BCR: variants seen among roughly 807,000 people sequenced by gnomAD.
BCR encodes the protein breakpoint cluster region protein.
In BCR, 58 loss-of-function variants were observed where a neutral mutation model predicts 138.6. That is an observed-to-expected ratio of 0.42 (90% CI 0.34 to 0.52). The LOEUF is 0.52. Among genes scored for constraint, BCR ranks in the 20% least tolerant of loss-of-function variants. The pLI is 0.06. For synonymous variants in BCR, 786 were observed against 730.1 expected, an observed-to-expected ratio of 1.08 and a Z score of -1.23; for missense variants, 1,599 against 1,727.2, an observed-to-expected ratio of 0.93 and a Z score of 1.32.
At chr22:23,284,174 C>T (rs990274818) in intron 9 of BCR, 76 bp downstream of exon 9, 31 of 1,575,364 alleles carry the variant, frequency 2.0e-5, no homozygotes, top group East Asian at 1.8e-4. Context: ...CTTGTCATGG[C>T]GGAGGTCAGT....
intron 4 of BCR, among the ~76,000 whole-genome samples, chr22:23,267,036 T>G (rs1473768244): frequency 1.3e-5 from 2 of 152,108 alleles, no homozygotes; most frequent in African/African-American, 4.8e-5. Flanking sequence ...CCTGTCCTGC[T>G]TATAACCATC....
chr22:23,228,325 C>T (rs764954288), intron 1 of BCR, among the ~76,000 whole-genome samples: 1 of 152,078 alleles, frequency 6.6e-6, no homozygotes, highest in Non-Finnish European at 1.5e-5. Flanking sequence ...TAATTTTCCT[C>T]GAGACTTCCT....
Position 23,309,070 on chromosome 22 carries a change from G to A in BCR, c.3013-354G>A, listed in dbSNP as rs544925879. On this transcript the variant is annotated intron_variant, in intron 16 of 22. Transcript: ENST00000305877. ...CAGGCCCCCAGGAGTTGTTACTGAA[G>A]TTGCTGCTGGACAGCTCACCTTTCA... Among the ~76,000 whole-genome samples the A allele has an allele frequency of 1.1e-4, 17 of 152,330 alleles. No homozygotes were observed. The East Asian group carries it at 3.1e-3, about 28-fold the overall frequency.
Position 23,313,045 on chromosome 22 carries a change from C to G in BCR, c.3457+24C>G, listed in dbSNP as rs761149504. On this transcript the variant is annotated intron_variant, in intron 20 of 22. Transcript: ENST00000305877. The stretch of plus-strand genomic sequence containing the variant: ...CGGTGAGCACTGGAGGCCTTGGCCT[C>G]ATGGGAGACGTCTCCTCCACGTGCA... 32 of 1,548,250 alleles carry G rather than the reference C, an allele frequency of 2.1e-5. No homozygotes were observed. The South Asian group carries it at 3.6e-4, about 17-fold the overall frequency.
At chr22:23,298,406 G>C (rs1449134674) in intron 16 of BCR, among the ~76,000 whole-genome samples, 2 of 152,146 alleles carry the variant, frequency 1.3e-5, no homozygotes, top group African/African-American at 4.8e-5. Flanking sequence ...GGAATAAAAA[G>C]CTGGAGGGAC....
chr22:23,292,328 C>T (rs1048264263), intron 14 of BCR, among the ~76,000 whole-genome samples: 1 of 152,254 alleles, frequency 6.6e-6, no homozygotes, highest in Non-Finnish European at 1.5e-5. Context: ...CAGCCGCACC[C>T]AGGGAAATTC....
chr22:23,307,111 A>G (rs191009543), intron 16 of BCR, among the ~76,000 whole-genome samples: 8 of 152,196 alleles, frequency 5.3e-5, no homozygotes, highest in African/African-American at 1.4e-4. Flanking sequence ...GTTGGTTAGT[A>G]GAGCCAGGGT....
At chr22:23,269,838 G>T (rs1446800932) in intron 5 of BCR, among the ~76,000 whole-genome samples, 1 of 152,148 alleles carries the variant, frequency 6.6e-6, no homozygotes, top group Non-Finnish European at 1.5e-5. Flanking sequence ...ACAGTTAAGC[G>T]GGCAAGTTCA....
chr22:23,278,832 G>A (rs985046298), intron 8 of BCR, among the ~76,000 whole-genome samples: 10 of 152,232 alleles, frequency 6.6e-5, no homozygotes, highest in Admixed American at 5.9e-4. Flanking sequence ...CAGGGGTGAA[G>A]ACAGGATGGG....
intron 6 of BCR, among the ~76,000 whole-genome samples, chr22:23,271,913 C>G (rs561659020): frequency 4.6e-5 from 7 of 151,876 alleles, no homozygotes; most frequent in Non-Finnish European, 7.4e-5. Flanking sequence ...GCAACCTCCA[C>G]TTCCCGGGTT....
intron 14 of BCR, chr22:23,290,929 C>G (rs935797653): frequency 6.2e-6 from 1 of 160,818 alleles, no homozygotes; most frequent in Non-Finnish European, 1.4e-5. Flanking sequence ...TTCTCGAGGC[C>G]GGGCGCAGTG....
At chr22:23,282,558 C>T (rs901641536) in intron 8 of BCR, among the ~76,000 whole-genome samples, 1 of 152,262 alleles carries the variant, frequency 6.6e-6, no homozygotes, top group Non-Finnish European at 1.5e-5. Context: ...TCTGTTGCCT[C>T]CGGCCCCAGA....
intron 5 of BCR, among the ~76,000 whole-genome samples, chr22:23,270,914 C>T (rs142017978): frequency 6.6e-6 from 1 of 152,364 alleles, no homozygotes; most frequent in African/African-American, 2.4e-5. Flanking sequence ...TTAGTAAGTA[C>T]ACTTGCAGAT....
chr22:23,262,549 GC>G (rs529302499), intron 4 of BCR, among the ~76,000 whole-genome samples: 193 of 152,272 alleles, frequency 1.3e-3, no homozygotes, highest in African/African-American at 3.6e-3. Flanking sequence ...CATCTTTGAA[GC>G]CCCCCCACCC....
At chr22:23,314,796 T>A in intron 22 of BCR, 82 bp downstream of exon 22, 2 of 1,519,406 alleles carry the variant, frequency 1.3e-6, no homozygotes, top group Non-Finnish European at 1.8e-6. Context: ...GTCCTGCCCA[T>A]CTTCTTACTT....
chr22:23,282,902 A>G (rs1332067829), intron 8 of BCR, among the ~76,000 whole-genome samples: 1 of 152,206 alleles, frequency 6.6e-6, no homozygotes, highest in Non-Finnish European at 1.5e-5. Context: ...TCCTGAGGGT[A>G]GAGGCCTGTG....
intron 2 of BCR, among the ~76,000 whole-genome samples, chr22:23,256,157 A>G (rs981652020): frequency 6.6e-6 from 1 of 152,148 alleles, no homozygotes; most frequent in Non-Finnish European, 1.5e-5. Context: ...GACTTCCCCC[A>G]GGGAGCATGG....
chr22:23,283,621 C>T (rs2073675446), intron 8 of BCR: 1 of 194,188 alleles, frequency 5.1e-6, no homozygotes. Flanking sequence ...GAGGGTCCCC[C>T]CATCACCCAT....
intron 15 of BCR, among the ~76,000 whole-genome samples, chr22:23,294,345 A>T (rs987037589): frequency 3.3e-5 from 5 of 152,230 alleles, no homozygotes; most frequent in African/African-American, 4.8e-5. Flanking sequence ...CTTACAGAAT[A>T]GTCTCACCGC....
Sources: allele counts gnomAD v4.1 joint callset (sites outside exome capture counted in the v4.1 genomes callset), GRCh38; gene constraint gnomAD v4.1.1; transcripts MANE v1.5; gene names NCBI Gene and HGNC (gene_info 2026-07-23, HGNC 2026-07-21).